Variants in NCOA1 observed in about 807,000 individuals in gnomAD.
NCOA1 encodes Hin-2 protein.
NCOA1 carries 35 observed loss-of-function variants against 150.9 expected under a neutral mutation model. That is an observed-to-expected ratio of 0.23 (90% CI 0.18 to 0.31). The LOEUF is 0.31. NCOA1 is among the 10% of genes least tolerant of loss of function. NCOA1 has a pLI of 1.00. For missense variants in NCOA1, 1,491 were observed against 1,749.3 expected (o/e 0.85, Z 2.63); for synonymous variants, 590 against 630.0 (o/e 0.94, Z 0.95).
At chr2:24,664,412 T>C (rs1026503281) in intron 5 of NCOA1, among the ~76,000 whole-genome samples, 1 of 152,266 alleles carries the variant, frequency 6.6e-6, no homozygotes, top group Middle Eastern at 3.4e-3. Flanking sequence ...TTTAATATTA[T>C]TAAGAAAAGT....
chr2:24,679,350 C>T (rs1427729729), intron 7 of NCOA1, among the ~76,000 whole-genome samples: 1 of 152,144 alleles, frequency 6.6e-6, no homozygotes, highest in African/African-American at 2.4e-5. Flanking sequence ...CAAGTAATAA[C>T]AGATTATATT....
Position 24,765,896 on chromosome 2 carries a change from C to CTTTTTTTTTTTTTTTTTTT in NCOA1, c.4156-2324_4156-2306dup, listed in dbSNP as rs773857143. Among the ~76,000 whole-genome samples the CTTTTTTTTTTTTTTTTTTT allele has an allele frequency of 2.7e-4, 35 of 128,036 alleles. 3 individuals are homozygous for CTTTTTTTTTTTTTTTTTTT. Among genetic ancestry groups the CTTTTTTTTTTTTTTTTTTT allele is most frequent in the East Asian group, 4.5e-4 (2 of 4,438 alleles). 84.0% of individuals were successfully genotyped at this position (128,036 alleles called of 152,430 possible). Reference sequence around the variant, plus strand: ...AGTTTTCTGTAATTTCAATAATACACTTTTTTTTTTTTTTTTTTTGAGACG... The same window carrying CTTTTTTTTTTTTTTTTTTT: ...AGTTTTCTGTAATTTCAATAATACACTTTTTTTTTTTTTTTTTTTTTTTTTTTTTTTTTTTTTTGAGACG... On this transcript the variant is annotated intron_variant, in intron 22 of 22. Transcript: ENST00000348332.
At chr2:24,524,904 C>T (rs1488591556) in intron 1 of NCOA1, among the ~76,000 whole-genome samples, 1 of 152,156 alleles carries the variant, frequency 6.6e-6, no homozygotes, top group East Asian at 1.9e-4. Context: ...GCCACTGCAC[C>T]CAGCCTACTT....
intron 1 of NCOA1, among the ~76,000 whole-genome samples, chr2:24,543,962 A>G (rs1466705638): frequency 2.0e-5 from 3 of 152,196 alleles, no homozygotes; most frequent in East Asian, 3.8e-4. Context: ...AGGGAGATCA[A>G]TTAAGAAGCT....
intron 11 of NCOA1, among the ~76,000 whole-genome samples, chr2:24,703,883 AG>A (rs2148587624): frequency 6.6e-6 from 1 of 152,316 alleles, no homozygotes; most frequent in African/African-American, 2.4e-5. Context: ...ATTTTATCAC[AG>A]GCTAAATTAT....
At chr2:24,660,891 C>T (rs1269152003) in intron 5 of NCOA1, among the ~76,000 whole-genome samples, 1 of 150,606 alleles carries the variant, frequency 6.6e-6, no homozygotes, top group African/African-American at 2.4e-5. Flanking sequence ...GAAAACCCAT[C>T]TCTATTTAAG....
intron 4 of NCOA1, among the ~76,000 whole-genome samples, chr2:24,646,420 G>A (rs1279422728): frequency 6.6e-6 from 1 of 152,034 alleles, no homozygotes; most frequent in Non-Finnish European, 1.5e-5. Context: ...TTTTATTGCT[G>A]TTATCTAATA....
intron 3 of NCOA1, among the ~76,000 whole-genome samples, chr2:24,589,213 G>A (rs1351834985): frequency 2.6e-5 from 4 of 151,926 alleles, no homozygotes; most frequent in Non-Finnish European, 5.9e-5. Context: ...TGTGGCCACC[G>A]AGGTACTACC....
intron 3 of NCOA1, among the ~76,000 whole-genome samples, chr2:24,588,899 T>A (rs1185966872): frequency 6.6e-6 from 1 of 152,192 alleles, no homozygotes; most frequent in Non-Finnish European, 1.5e-5. Flanking sequence ...AAAGAAAATA[T>A]AGCTTCTTTA....
At chr2:24,509,128 A>G (rs558333474) in intron 1 of NCOA1, among the ~76,000 whole-genome samples, 2 of 152,368 alleles carry the variant, frequency 1.3e-5, no homozygotes, top group South Asian at 4.1e-4. Flanking sequence ...CAGCAGCTAC[A>G]TTCACTTAGT....
At chr2:24,705,285 T>G in intron 12 of NCOA1, 52 bp downstream of exon 12, 13 of 1,554,104 alleles carry the variant, frequency 8.4e-6, no homozygotes, top group Non-Finnish European at 1.1e-5. Flanking sequence ...CACATATCTC[T>G]TATTAGAGAA....
chr2:24,590,738 G>T (rs533295501), intron 3 of NCOA1, among the ~76,000 whole-genome samples: 1 of 152,148 alleles, frequency 6.6e-6, no homozygotes, highest in African/African-American at 2.4e-5. Context: ...TCAATGCAGG[G>T]AATCAGACAT....
intron 1 of NCOA1, among the ~76,000 whole-genome samples, chr2:24,533,231 A>T (rs1664974999): frequency 6.6e-6 from 1 of 152,024 alleles, no homozygotes; most frequent in Non-Finnish European, 1.5e-5. Flanking sequence ...GTGGGAGTTC[A>T]CTCATGATTT....
At chr2:24,513,603 C>T (rs1255956545) in intron 1 of NCOA1, among the ~76,000 whole-genome samples, 1 of 151,874 alleles carries the variant, frequency 6.6e-6, no homozygotes, top group African/African-American at 2.4e-5. Context: ...TGTGTGTGTG[C>T]GTGCACACGT....
In NCOA1 at chr2:24,730,856, T is replaced by C. The variant is rs1220218848; in HGVS notation, c.3201+1041T>C. On this transcript the variant is annotated intron_variant, in intron 17 of 22. Coordinates refer to ENST00000348332, the MANE Select transcript of NCOA1 (RefSeq NM_003743.5). ...GCGTGGCCAACATGATGAAACCCCA[T>C]TTCTACTAAAAGTACAAAAAAAAAA... is the stretch of plus-strand genomic sequence containing the variant. Among the ~76,000 whole-genome samples, 3 of 143,068 alleles carry C rather than the reference T, an allele frequency of 2.1e-5. No individual in the cohort carries two copies. In the Admixed American group the frequency reaches 2.1e-4, roughly 10 times the overall value. 93.9% of individuals were successfully genotyped at this position (143,068 alleles called of 152,430 possible). A position where few individuals can be genotyped will look rare whatever the true frequency, so the allele number is the denominator to read the frequency against.
At chr2:24,750,493 A>G (rs1031511600) in intron 19 of NCOA1, among the ~76,000 whole-genome samples, 23 of 152,196 alleles carry the variant, frequency 1.5e-4, no homozygotes, top group Admixed American at 6.5e-5. Flanking sequence ...GCATCATCCT[A>G]AATAAAAAGG....
intron 22 of NCOA1, among the ~76,000 whole-genome samples, chr2:24,763,616 C>CTCTTTTTT (rs1250283392): frequency 4.7e-5 from 4 of 85,314 alleles, no homozygotes; most frequent in African/African-American, 1.8e-4. Flanking sequence ...GTCTCTCTCT[C>CTCTTTTTT]TTTTTTTTTT....
intron 2 of NCOA1, among the ~76,000 whole-genome samples, chr2:24,570,367 A>G (rs1666696401): frequency 6.6e-6 from 1 of 152,218 alleles, no homozygotes; most frequent in African/African-American, 2.4e-5. Context: ...CTGGTTGGCC[A>G]AAGAAGATGA....
intron 1 of NCOA1, among the ~76,000 whole-genome samples, chr2:24,547,246 CAAATT>C (rs934284020): frequency 2.0e-5 from 3 of 152,246 alleles, no homozygotes; most frequent in African/African-American, 4.8e-5. Context: ...TTATAAATCT[CAAATT>C]AAAATTATTG....
Sources: allele counts gnomAD v4.1 joint callset (sites outside exome capture counted in the v4.1 genomes callset), GRCh38; gene constraint gnomAD v4.1.1; transcripts MANE v1.5; gene names NCBI Gene and HGNC (gene_info 2026-07-23, HGNC 2026-07-21).